Variants in CDK14 observed in about 807,000 individuals in gnomAD.
The protein encoded by CDK14 is cyclin dependent kinase 14, also known as cyclin-dependent kinase 14.
Under a neutral mutation model 60.7 loss-of-function variants are expected in CDK14, and 34 were observed. The ratio of observed to expected loss-of-function variants is 0.56; its 90% CI spans 0.43 to 0.75. The LOEUF is 0.75. Ranked by LOEUF, CDK14 falls within the 30% of genes least tolerant of loss-of-function variation. CDK14 has a pLI of 0.00. For missense variants in CDK14, 482 were observed against 564.1 expected (o/e 0.85, Z 1.47); for synonymous variants, 197 against 203.7 (o/e 0.97, Z 0.28).
chr7:91,044,878 G>A (rs998590788), intron 10 of CDK14, among the ~76,000 whole-genome samples: 1 of 152,128 alleles, frequency 6.6e-6, no homozygotes, highest in Admixed American at 6.5e-5. Context: ...TCCCTGATCC[G>A]AACAGACCCA....
At chr7:90,855,655 T>C (rs2117195321) in intron 5 of CDK14, among the ~76,000 whole-genome samples, 1 of 152,326 alleles carries the variant, frequency 6.6e-6, no homozygotes. Flanking sequence ...AAAATAACAA[T>C]ACATTTGTGA....
chr7:90,758,419 A>G (rs572529470), intron 4 of CDK14, among the ~76,000 whole-genome samples: 1 of 152,312 alleles, frequency 6.6e-6, no homozygotes, highest in South Asian at 2.1e-4. Flanking sequence ...ATATAGGATT[A>G]AAAAATTATG....
chr7:91,085,605 A>G (rs1400105711), intron 12 of CDK14, among the ~76,000 whole-genome samples: 1 of 152,110 alleles, frequency 6.6e-6, no homozygotes, highest in Non-Finnish European at 1.5e-5. Context: ...CATTTTGCTT[A>G]TCAGAAGTGG....
intron 10 of CDK14, among the ~76,000 whole-genome samples, chr7:91,000,863 A>C (rs1795816480): frequency 6.6e-6 from 1 of 152,230 alleles, no homozygotes; most frequent in Non-Finnish European, 1.5e-5. Flanking sequence ...AGGATTACAC[A>C]TTTAAAACTC....
chr7:90,850,373 T>G (rs2117177889), intron 5 of CDK14, among the ~76,000 whole-genome samples: 1 of 152,230 alleles, frequency 6.6e-6, no homozygotes, highest in Admixed American at 6.5e-5. Flanking sequence ...CTGAATTGAG[T>G]GCTATGGGCA....
At chr7:90,967,627 A>T (rs933279799) in intron 9 of CDK14, among the ~76,000 whole-genome samples, 1 of 152,216 alleles carries the variant, frequency 6.6e-6, no homozygotes, top group Non-Finnish European at 1.5e-5. Context: ...ACACTGGTTG[A>T]TGAGATAGTG....
chr7:90,698,057 G>A, intron 2 of CDK14, among the ~76,000 whole-genome samples: 1 of 90,796 alleles, frequency 1.1e-5, no homozygotes, highest in Admixed American at 1.9e-4. Context: ...GACAGAGCAA[G>A]ACTCTGTCTC....
chr7:90,729,182 G>T (rs187797476), intron 3 of CDK14, among the ~76,000 whole-genome samples: 1 of 151,714 alleles, frequency 6.6e-6, no homozygotes, highest in Non-Finnish European at 1.5e-5. Context: ...GGCCGAGGGA[G>T]ACTGGGGCAA....
intron 11 of CDK14, among the ~76,000 whole-genome samples, chr7:91,061,304 A>G (rs1222695485): frequency 6.6e-6 from 1 of 152,118 alleles, no homozygotes; most frequent in East Asian, 1.9e-4. Flanking sequence ...CATTCATCTA[A>G]TCTTTTTTCA....
chr7:91,075,074 T>TGGTA (rs1798258575), intron 11 of CDK14, among the ~76,000 whole-genome samples: 1 of 152,176 alleles, frequency 6.6e-6, no homozygotes, highest in Admixed American at 6.5e-5. Flanking sequence ...AGAGAGGAGC[T>TGGTA]GGTACTATTC....
intron 11 of CDK14, among the ~76,000 whole-genome samples, chr7:91,067,133 A>G (rs376448960): frequency 6.6e-6 from 1 of 152,210 alleles, no homozygotes; most frequent in Admixed American, 6.5e-5. Flanking sequence ...GCAGTTGACT[A>G]TTTTATTAAA....
intron 9 of CDK14, among the ~76,000 whole-genome samples, chr7:90,979,211 G>T (rs966488607): frequency 6.6e-6 from 1 of 152,078 alleles, no homozygotes; most frequent in African/African-American, 2.4e-5. Flanking sequence ...TTCTTCTTTC[G>T]ATATTTTTCA....
At position 91,207,787 on chromosome 7, in the gene CDK14, T is replaced by C. The variant is rs1802948993; in HGVS notation, c.*651T>C. 2 of 152,704 alleles carry C rather than the reference T, an allele frequency of 1.3e-5. No homozygotes were observed. The highest frequency in any genetic ancestry group is 2.9e-5 in the Non-Finnish European group (2 of 68,050). 9.5% of individuals were successfully genotyped at this position (152,704 alleles called of 1,614,324 possible). ...TTATATATAGGATATTGGACTCTGCTTAGCATTTTCAAGCCACATAGCATG... is the reference window on the plus strand; with the variant it reads ...TTATATATAGGATATTGGACTCTGCCTAGCATTTTCAAGCCACATAGCATG... On this transcript the variant is annotated 3_prime_UTR_variant, in exon 15 of 15. Transcript: ENST00000380050.
intron 5 of CDK14, among the ~76,000 whole-genome samples, chr7:90,811,171 A>C (rs535122501): frequency 5.4e-4 from 82 of 152,294 alleles, no homozygotes; most frequent in African/African-American, 1.7e-3. Context: ...CAATCCTAAG[A>C]CAAAAGAACA....
intron 5 of CDK14, among the ~76,000 whole-genome samples, chr7:90,819,579 A>G: frequency 6.6e-6 from 1 of 151,992 alleles, no homozygotes; most frequent in East Asian, 1.9e-4. Flanking sequence ...GAATGACCCT[A>G]AGCAATTTGT....
Position 90,945,518 on chromosome 7 carries a change from T to C in CDK14, c.827-10179T>C, listed in dbSNP as rs555273736. On this transcript the variant is annotated intron_variant, in intron 8 of 14. Coordinates refer to ENST00000380050, the MANE Select transcript of CDK14 (RefSeq NM_001287135.2). ...AATTTAGAGAAATTGGTTCTGGAAC[T>C]GCCTGAGCAAGAGCTGTAGCCTTCT... is the stretch of plus-strand genomic sequence containing the variant. Among the ~76,000 whole-genome samples, 3 of 152,338 alleles carry C rather than the reference T, an allele frequency of 2.0e-5. No homozygotes were observed. The South Asian group carries it at 6.2e-4, about 32-fold the overall frequency.
At chr7:91,181,625 A>G (rs1030130011) in intron 14 of CDK14, among the ~76,000 whole-genome samples, 2 of 152,130 alleles carry the variant, frequency 1.3e-5, no homozygotes, top group Non-Finnish European at 2.9e-5. Flanking sequence ...AATCTTTTTT[A>G]TAGAAAAGAC....
chr7:90,876,661 G>A (rs1357157513), intron 6 of CDK14, among the ~76,000 whole-genome samples: 1 of 152,152 alleles, frequency 6.6e-6, no homozygotes, highest in East Asian at 1.9e-4. Flanking sequence ...CTGTTTTGGA[G>A]CTTCAAAATT....
At chr7:91,068,810 A>T (rs1218810767) in intron 11 of CDK14, among the ~76,000 whole-genome samples, 10 of 28,348 alleles carry the variant, frequency 3.5e-4, no homozygotes, top group East Asian at 4.4e-3. Context: ...CTTATATTAA[A>T]AAAAAAAAAA....
Sources: gnomAD v4.1 joint callset for allele counts (sites outside exome capture counted in the v4.1 genomes callset) on GRCh38, gnomAD v4.1.1 for gene constraint, MANE v1.5 for transcripts, NCBI Gene and HGNC (gene_info 2026-07-23, HGNC 2026-07-21) for gene names.